The following IFT122 variants were observed in gnomAD, a reference collection of about 807,000 sequenced individuals.
IFT122 encodes intraflagellar transport protein 122 homolog.
A neutral mutation model predicts 161.6 loss-of-function variants in IFT122; 118 were observed. The ratio of observed to expected loss-of-function variants is 0.73; its 90% CI spans 0.63 to 0.85. The LOEUF (loss-of-function observed/expected upper bound fraction) is 0.85. Ranked by LOEUF, IFT122 falls within the 40% of genes least tolerant of loss-of-function variation. The probability of loss-of-function intolerance (pLI) is 0.00; values close to 1 mark genes in which losing one functional copy is unlikely to be tolerated. For missense variants in IFT122, 1,381 were observed against 1,579.6 expected, an observed-to-expected ratio of 0.87 and a Z score of 2.13; for synonymous variants, 550 against 602.4, an observed-to-expected ratio of 0.91 and a Z score of 1.27.
At chr3:129,449,095 C>T (rs1311482510) in intron 1 of IFT122, among the ~76,000 whole-genome samples, 1 of 152,194 alleles carries the variant, frequency 6.6e-6, no homozygotes, top group African/African-American at 2.4e-5. Flanking sequence ...AAGGGAAGTT[C>T]TGCCGAAGAC....
chr3:129,448,160 C>T (rs1431149275), intron 1 of IFT122, among the ~76,000 whole-genome samples: 1 of 152,114 alleles, frequency 6.6e-6, no homozygotes, highest in Non-Finnish European at 1.5e-5. Context: ...GCTGTTGAAG[C>T]GGCGTCATTG....
chr3:129,440,471 CTGGG>C, intron 1 of IFT122, 100 bp downstream of exon 1: 1 of 1,421,498 alleles, frequency 7.0e-7, no homozygotes, highest in African/African-American at 1.4e-5. Context: ...GGCTTGCTGC[CTGGG>C]CCGAGGGCAC....
chr3:129,502,065 G>T (rs2081619509), intron 19 of IFT122, among the ~76,000 whole-genome samples: 1 of 152,190 alleles, frequency 6.6e-6, no homozygotes, highest in African/African-American at 2.4e-5. Context: ...TGCTCACCAT[G>T]GGGAAGCAGT....
intron 7 of IFT122, among the ~76,000 whole-genome samples, chr3:129,465,641 T>TCGGCC: frequency 2.3e-5 from 3 of 127,938 alleles, no homozygotes; most frequent in African/African-American, 3.6e-5. Flanking sequence ...TGGCTAATTT[T>TCGGCC]TTTTTTTTTT....
chr3:129,492,311 TG>T lies in IFT122; in HGVS notation c.2046+120del, dbSNP rs530774287. The T allele has an allele frequency of 3.4e-4, 281 of 837,842 alleles. 2 individuals are homozygous for T. In the East Asian group the frequency reaches 5.9e-3, roughly 18 times the overall value. The allele number at this position is 837,842 out of a possible 1,614,324, so 51.9% of individuals were successfully genotyped here. A position where few individuals can be genotyped will look rare whatever the true frequency, so the allele number is the denominator to read the frequency against. Reference sequence around the variant, plus strand: ...CATGGGAACAGAGCTCACTGGCGTCTGGGCATCTGGGCCACAGCCTTGCTCC... The same window carrying T: ...CATGGGAACAGAGCTCACTGGCGTCTGGCATCTGGGCCACAGCCTTGCTCC... On this transcript the variant is annotated intron_variant, in intron 17 of 29. Transcript: ENST00000348417.
At position 129,483,651 on chromosome 3, in the gene IFT122, T is replaced by C. The variant is rs1239489649; in HGVS notation, c.1820T>C (p.Val607Ala). ...GGCTCCAAGATCTTCTGCCTCCATG[T>C]CTTCTCCATTTCTGCCGTGGAGGTG... is the stretch of plus-strand genomic sequence containing the variant. ...YNGSKIFCLH[V>A]FSISAVEVPQ... Residue 607 changes from valine (V) to alanine (A), a missense_variant, in exon 15 of 30, where the codon GTC becomes GCC. Transcript: ENST00000348417. 12 of 1,609,378 alleles carry C rather than the reference T, an allele frequency of 7.5e-6. No homozygotes were observed. Among genetic ancestry groups the C allele is most frequent in the Non-Finnish European group, 8.5e-6 (10 of 1,177,684 alleles).
chr3:129,470,065 T>TAGGC (rs1337565006), intron 9 of IFT122, among the ~76,000 whole-genome samples: 1 of 151,880 alleles, frequency 6.6e-6, no homozygotes, highest in African/African-American at 2.4e-5. Context: ...ATCTTTGAGT[T>TAGGC]AGGCTAAGGA....
chr3:129,514,237 C>T, intron 24 of IFT122, 152 bp from the exon 25 acceptor site: 1 of 827,190 alleles, frequency 1.2e-6, no homozygotes, highest in Non-Finnish European at 2.0e-6. Flanking sequence ...ACTCACCTCT[C>T]ACAAGCGCAC....
At position 129,492,172 on chromosome 3, in the gene IFT122, TAG is replaced by T; in HGVS notation, c.2027_2028del (p.Glu676AlafsTer6). 6.2e-7 allele frequency: 1 copy of T among 1,613,328 alleles called. No individual in the cohort carries two copies. The highest frequency in any genetic ancestry group is 8.5e-7 in the Non-Finnish European group (1 of 1,179,310). ...ATCAGAGTACAAGACCTCCGATATT[TAG>T]AGCTCATCAGCAGCATTGAGGTAAA... On this transcript the variant is annotated frameshift_variant, in exon 17 of 30. Transcript: ENST00000348417. LOFTEE classifies it high-confidence loss of function.
At chr3:129,455,904 G>A (rs2075421048) in intron 3 of IFT122, among the ~76,000 whole-genome samples, 1 of 111,064 alleles carries the variant, frequency 9.0e-6, no homozygotes, top group South Asian at 3.7e-4. Flanking sequence ...AGGCTGAGGA[G>A]GAGGAGGAGG....
At chr3:129,509,978 G>A (rs1012138373) in intron 23 of IFT122, among the ~76,000 whole-genome samples, 9 of 152,240 alleles carry the variant, frequency 5.9e-5, no homozygotes, top group Admixed American at 3.3e-4. Flanking sequence ...AGCACAGAGT[G>A]ACCCTAGGTG....
At chr3:129,472,345 T>G (rs2077449921) in intron 9 of IFT122, among the ~76,000 whole-genome samples, 1 of 151,758 alleles carries the variant, frequency 6.6e-6, no homozygotes, top group Non-Finnish European at 1.5e-5. Context: ...TTTTTTTTTT[T>G]GGTAGAGATA....
At chr3:129,489,225 T>C (rs1253982926) in intron 16 of IFT122, among the ~76,000 whole-genome samples, 4 of 152,126 alleles carry the variant, frequency 2.6e-5, no homozygotes, top group African/African-American at 7.2e-5. Context: ...CTTGTAGGCA[T>C]GAAGAGAGGA....
intron 3 of IFT122, 126 bp from the exon 4 acceptor site, chr3:129,458,472 TG>T: frequency 1.2e-6 from 1 of 813,558 alleles, no homozygotes; most frequent in Non-Finnish European, 2.1e-6. Context: ...CTCCCAGTAC[TG>T]ATAAGAACTA....
At chr3:129,516,693 T>TGCGCGC (rs1309369452) in intron 26 of IFT122, among the ~76,000 whole-genome samples, 2 of 54,044 alleles carry the variant, frequency 3.7e-5, no homozygotes, top group East Asian at 6.6e-4. Flanking sequence ...AGATTGCTCC[T>TGCGCGC]GCACACACAC....
intron 20 of IFT122, chr3:129,503,983 G>T (rs1186129027): frequency 2.8e-6 from 1 of 360,316 alleles, no homozygotes; most frequent in Non-Finnish European, 5.4e-6. Flanking sequence ...CTTAGGTGTC[G>T]CCCGCAATTA....
At position 129,479,921 on chromosome 3, in the gene IFT122, A is replaced by G. The variant is rs1203426032; in HGVS notation, c.1487A>G (p.Gln496Arg). ...EGLLVGLKNG[Q>R]ILKIFVDNLF... ...CTCTTAGTGGGGCTGAAGAATGGAC[A>G]GGTGAGTGCTCCCTCACGTCTCCTG... The change falls in exon 13 of 30, where the codon CAG (glutamine) becomes CGG (arginine). Residue 496 changes from glutamine (Q) to arginine (R), a missense_variant and splice_region_variant. This residue lies in a region of IFT122 where 544 missense variants were observed against 648.0 expected (regional missense o/e 0.84). Coordinates refer to ENST00000348417, the MANE Select transcript of IFT122 (RefSeq NM_052989.3). 5.0e-6 allele frequency: 8 copies of G among 1,613,766 alleles called. No homozygotes were observed. In the Admixed American group the frequency reaches 1.3e-4, roughly 27 times the overall value.
intron 4 of IFT122, chr3:129,460,837 A>T (rs2076137371): frequency 6.2e-7 from 1 of 1,603,452 alleles, no homozygotes; most frequent in Non-Finnish European, 8.5e-7. Flanking sequence ...TTGTCTAAGG[A>T]TTTGTCATGT....
intron 9 of IFT122, among the ~76,000 whole-genome samples, chr3:129,473,921 ATTG>A (rs533239137): frequency 8.9e-4 from 123 of 138,500 alleles, no homozygotes; most frequent in African/African-American, 3.7e-3. Flanking sequence ...TCCAGAGTTT[ATTG>A]TTGTTACTTT....
Sources: gnomAD v4.1 joint callset for allele counts (sites outside exome capture counted in the v4.1 genomes callset) on GRCh38, gnomAD v4.1.1 for gene constraint, gnomAD v4.1.1 regional missense constraint, MANE v1.5 for transcripts, NCBI Gene and HGNC (gene_info 2026-07-23, HGNC 2026-07-21) for gene names.